CCDC60: variants seen among roughly 807,000 people sequenced by gnomAD.
CCDC60 encodes the protein coiled-coil domain-containing protein 60.
CCDC60 carries 54 observed loss-of-function variants against 63.5 expected under a neutral mutation model. That is an observed-to-expected ratio of 0.85 (90% confidence interval 0.68 to 1.07). The LOEUF (loss-of-function observed/expected upper bound fraction) is 1.07. Among genes scored for constraint, CCDC60 ranks in the 50% least tolerant of loss-of-function variants. CCDC60 has a pLI of 0.00. For synonymous variants in CCDC60, 206 were observed against 238.8 expected, an observed-to-expected ratio of 0.86 and a Z score of 1.27; for missense variants, 651 against 684.3, an observed-to-expected ratio of 0.95 and a Z score of 0.54.
chr12:119,428,600 A>G, intron 1 of CCDC60, 83 bp from the exon 2 acceptor site: 1 of 907,076 alleles, frequency 1.1e-6, no homozygotes, highest in Non-Finnish European at 1.7e-6. Context: ...TCTCAGAGAA[A>G]CCCATGAGCC....
At chr12:119,487,005 GGGGA>G (rs1426290557) in intron 4 of CCDC60, among the ~76,000 whole-genome samples, 1 of 152,062 alleles carries the variant, frequency 6.6e-6, no homozygotes, top group East Asian at 1.9e-4. Context: ...GAAATCTTGC[GGGGA>G]GGGGGGTGGC....
At chr12:119,508,608 C>G (rs1952121628) in intron 7 of CCDC60, among the ~76,000 whole-genome samples, 1 of 152,112 alleles carries the variant, frequency 6.6e-6, no homozygotes, top group African/African-American at 2.4e-5. Context: ...CAAGGGTGAT[C>G]AAGGGAGCCT....
At chr12:119,449,877 G>T (rs1950600628) in intron 2 of CCDC60, among the ~76,000 whole-genome samples, 1 of 152,066 alleles carries the variant, frequency 6.6e-6, no homozygotes, top group African/African-American at 2.4e-5. Context: ...AGGATGAGTT[G>T]GGAAGAACTA....
At chr12:119,429,206 G>C (rs1707861410) in intron 2 of CCDC60, among the ~76,000 whole-genome samples, 1 of 152,130 alleles carries the variant, frequency 6.6e-6, no homozygotes, top group African/African-American at 2.4e-5. Context: ...AATAATAGGA[G>C]GTTGTTAGAA....
chr12:119,396,476 T>A (rs1424800566), intron 1 of CCDC60, among the ~76,000 whole-genome samples: 1 of 152,060 alleles, frequency 6.6e-6, no homozygotes, highest in Non-Finnish European at 1.5e-5. Flanking sequence ...GGGTCATGGA[T>A]GCAGCAGTGG....
intron 2 of CCDC60, among the ~76,000 whole-genome samples, chr12:119,453,998 G>A (rs1350569586): frequency 6.6e-6 from 1 of 152,116 alleles, no homozygotes; most frequent in Admixed American, 6.5e-5. Context: ...CATACTAATT[G>A]CCTCTCATAT....
intron 7 of CCDC60, 116 bp from the exon 8 acceptor site, chr12:119,516,507 G>A (rs1952358038): frequency 3.0e-6 from 2 of 664,682 alleles, no homozygotes; most frequent in African/African-American, 1.8e-5. Flanking sequence ...TCTCTCTCCA[G>A]ATCTCCAACC....
chr12:119,360,471 C>G (rs1371598306), intron 1 of CCDC60, among the ~76,000 whole-genome samples: 1 of 150,996 alleles, frequency 6.6e-6, no homozygotes, highest in Non-Finnish European at 1.5e-5. Flanking sequence ...GGCTGCCGGG[C>G]GGAGAGGCTC....
intron 1 of CCDC60, among the ~76,000 whole-genome samples, chr12:119,423,180 T>C (rs1470669046): frequency 6.6e-6 from 1 of 152,020 alleles, no homozygotes; most frequent in South Asian, 2.1e-4. Context: ...TTTATGACAA[T>C]TTTTGGGGGG....
intron 2 of CCDC60, among the ~76,000 whole-genome samples, chr12:119,447,202 G>C (rs187138679): frequency 6.6e-6 from 1 of 152,270 alleles, no homozygotes; most frequent in Admixed American, 6.5e-5. Flanking sequence ...CCATGTCCAG[G>C]AGGCAATCAA....
At chr12:119,469,965 G>A (rs865833056) in intron 2 of CCDC60, among the ~76,000 whole-genome samples, 4 of 152,162 alleles carry the variant, frequency 2.6e-5, no homozygotes, top group Non-Finnish European at 5.9e-5. Context: ...GCATTTTTAC[G>A]TACAGTCCAA....
chr12:119,377,254 C>CAAAAAAAAAAAAAAAAAAAAAAA (rs60100165), intron 1 of CCDC60, among the ~76,000 whole-genome samples: 2 of 47,456 alleles, frequency 4.2e-5, no homozygotes, highest in Non-Finnish European at 7.5e-5. Flanking sequence ...CACTCCATCT[C>CAAAAAAAAAAAAAAAAAAAAAAA]AAAAAAAAAA....
intron 6 of CCDC60, among the ~76,000 whole-genome samples, chr12:119,502,986 T>C (rs1230042059): frequency 6.6e-6 from 1 of 151,946 alleles, no homozygotes; most frequent in African/African-American, 2.4e-5. Flanking sequence ...CTGGGCAACA[T>C]GGTGAAACCC....
chr12:119,493,337 C>T (rs1054095208), intron 5 of CCDC60, among the ~76,000 whole-genome samples: 2 of 152,024 alleles, frequency 1.3e-5, no homozygotes, highest in African/African-American at 4.8e-5. Flanking sequence ...CGGAGTGGTT[C>T]GATACCTCAA....
At chr12:119,437,081 G>A (rs943686809) in intron 2 of CCDC60, among the ~76,000 whole-genome samples, 1 of 152,124 alleles carries the variant, frequency 6.6e-6, no homozygotes. Flanking sequence ...AAGACATGTG[G>A]CACTTTTATC....
At chr12:119,518,913 A>G (rs1952422854) in intron 8 of CCDC60, among the ~76,000 whole-genome samples, 1 of 152,178 alleles carries the variant, frequency 6.6e-6, no homozygotes. Flanking sequence ...AGACCATCAC[A>G]TGGCCTCTGC....
chr12:119,453,323 C>T (rs544035043), intron 2 of CCDC60, among the ~76,000 whole-genome samples: 23 of 152,076 alleles, frequency 1.5e-4, no homozygotes, highest in Non-Finnish European at 2.5e-4. Context: ...TTTCTTCCAT[C>T]GTCATTTTCT....
chr12:119,362,467 A>G (rs1398751305), intron 1 of CCDC60, among the ~76,000 whole-genome samples: 1 of 152,196 alleles, frequency 6.6e-6, no homozygotes, highest in Non-Finnish European at 1.5e-5. Context: ...TCTAACTTAC[A>G]ATATTGAGTT....
chr12:119,445,417 G>A lies in CCDC60; in HGVS notation c.170+16655G>A, dbSNP rs372929064. Among the ~76,000 whole-genome samples, 9 of 101,442 alleles carry A rather than the reference G, an allele frequency of 8.9e-5. No individual in the cohort carries two copies. The East Asian group carries it at 2.8e-3, about 31-fold the overall frequency. 66.5% of individuals were successfully genotyped at this position (101,442 alleles called of 152,430 possible). ...CCACTGCACTCCAGCCTGAGTGACAGAGCGAGACTCCATCTCAAAAAAAAA... is the reference window on the plus strand; with the variant it reads ...CCACTGCACTCCAGCCTGAGTGACAAAGCGAGACTCCATCTCAAAAAAAAA... On this transcript the variant is annotated intron_variant, in intron 2 of 13. Coordinates refer to ENST00000327554, the MANE Select transcript of CCDC60 (RefSeq NM_178499.5).
Sources: gnomAD v4.1 joint callset for allele counts (sites outside exome capture counted in the v4.1 genomes callset) on GRCh38, gnomAD v4.1.1 for gene constraint, MANE v1.5 for transcripts, NCBI Gene and HGNC (gene_info 2026-07-23, HGNC 2026-07-21) for gene names.